Variants in CDH13 observed in about 807,000 individuals in gnomAD.
The protein encoded by CDH13 is cadherin-13.
Under a neutral mutation model 63.8 loss-of-function variants are expected in CDH13, and 24 were observed. The ratio of observed to expected loss-of-function variants is 0.38; its 90% CI spans 0.27 to 0.53. The LOEUF (loss-of-function observed/expected upper bound fraction) is 0.53, where lower values mean the gene tolerates loss of function less well. Among genes scored for constraint, CDH13 ranks in the 20% least tolerant of loss-of-function variants. The pLI is 0.85. For synonymous variants in CDH13, 503 were observed against 355.3 expected (o/e 1.42, Z -4.67); for missense variants, 1,049 against 903.1 (o/e 1.16, Z -2.07).
intron 7 of CDH13, among the ~76,000 whole-genome samples, chr16:83,535,478 G>T (rs1290053607): frequency 6.6e-6 from 1 of 152,204 alleles, no homozygotes; most frequent in African/African-American, 2.4e-5. Flanking sequence ...CCAAGGCAAA[G>T]GTTAGTGTGT....
intron 4 of CDH13, among the ~76,000 whole-genome samples, chr16:83,153,828 T>A (rs2037092177): frequency 6.6e-6 from 1 of 152,184 alleles, no homozygotes; most frequent in East Asian, 1.9e-4. Flanking sequence ...TTCGGTTTTT[T>A]GTGGTAGGCC....
intron 7 of CDH13, among the ~76,000 whole-genome samples, chr16:83,532,987 C>G (rs2075113359): frequency 6.6e-6 from 1 of 152,338 alleles, no homozygotes; most frequent in African/African-American, 2.4e-5. Context: ...GGTGACAGAG[C>G]TCTCTGTAGG....
At chr16:83,684,046 A>G (rs564315406) in intron 10 of CDH13, among the ~76,000 whole-genome samples, 116 of 152,146 alleles carry the variant, frequency 7.6e-4, no homozygotes, top group Non-Finnish European at 1.4e-3. Context: ...TAATGAGGAG[A>G]GGACTTATGT....
At chr16:83,517,837 C>G (rs954799646) in intron 7 of CDH13, among the ~76,000 whole-genome samples, 1 of 152,244 alleles carries the variant, frequency 6.6e-6, no homozygotes, top group South Asian at 2.1e-4. Context: ...ACACGTGGCA[C>G]TCTCACTAAA....
At chr16:82,718,218 C>G (rs566764074) in intron 1 of CDH13, among the ~76,000 whole-genome samples, 2 of 152,260 alleles carry the variant, frequency 1.3e-5, no homozygotes, top group African/African-American at 4.8e-5. Flanking sequence ...CAATGAAAAC[C>G]ACATCTCATA....
intron 1 of CDH13, among the ~76,000 whole-genome samples, chr16:82,763,782 A>C (rs2034944655): frequency 6.6e-6 from 1 of 152,232 alleles, no homozygotes; most frequent in African/African-American, 2.4e-5. Context: ...GCCCAGGCTC[A>C]GGTGATCCTC....
chr16:83,089,145 C>T (rs921827172), intron 3 of CDH13, among the ~76,000 whole-genome samples: 8 of 152,138 alleles, frequency 5.3e-5, no homozygotes, highest in African/African-American at 1.9e-4. Context: ...AATATTACAG[C>T]AGACTTTGAG....
intron 5 of CDH13, among the ~76,000 whole-genome samples, chr16:83,220,270 T>C (rs1380782445): frequency 6.6e-6 from 1 of 152,234 alleles, no homozygotes; most frequent in Non-Finnish European, 1.5e-5. Context: ...CGGTTCTTTA[T>C]TTTTAGATGA....
At chr16:83,431,564 C>T (rs2072110423) in intron 6 of CDH13, among the ~76,000 whole-genome samples, 1 of 152,106 alleles carries the variant, frequency 6.6e-6, no homozygotes, top group Non-Finnish European at 1.5e-5. Flanking sequence ...GGTCACAGTT[C>T]TGCAGGCTGT....
intron 2 of CDH13, among the ~76,000 whole-genome samples, chr16:82,898,272 C>T (rs562859982): frequency 3.3e-5 from 5 of 152,118 alleles, no homozygotes; most frequent in Non-Finnish European, 7.3e-5. Flanking sequence ...TTCCAGTAAT[C>T]TCAGCATTTT....
intron 1 of CDH13, among the ~76,000 whole-genome samples, chr16:82,667,969 T>C (rs1912800165): frequency 6.6e-6 from 1 of 152,092 alleles, no homozygotes; most frequent in Non-Finnish European, 1.5e-5. Context: ...TTAACACAGG[T>C]TCTCGTCTCT....
At position 83,372,704 on chromosome 16, in the gene CDH13, G is replaced by C. The variant is rs531996436; in HGVS notation, c.781+27698G>C. On this transcript the variant is annotated intron_variant, in intron 6 of 13. Transcript: ENST00000567109. ...GAGGCAGAGGTTGCAGTGAGCCGAG[G>C]TGGTGCCACTGCACTCCAGCCTGGT... is the stretch of plus-strand genomic sequence containing the variant. Among the ~76,000 whole-genome samples the C allele has an allele frequency of 1.7e-3, 249 of 149,676 alleles. 2 individuals carry two copies. Among genetic ancestry groups the C allele is most frequent in the African/African-American group, 5.3e-3 (216 of 40,612 alleles).
intron 4 of CDH13, among the ~76,000 whole-genome samples, chr16:83,166,812 T>C (rs1156230791): frequency 6.6e-6 from 1 of 152,176 alleles, no homozygotes; most frequent in Non-Finnish European, 1.5e-5. Context: ...GAATGAGGTG[T>C]TCTTAGCATT....
chr16:83,748,461 G>A (rs1052804670), intron 11 of CDH13, among the ~76,000 whole-genome samples: 1 of 152,164 alleles, frequency 6.6e-6, no homozygotes, highest in Non-Finnish European at 1.5e-5. Flanking sequence ...AGTGAATAAT[G>A]TCTGGTGAGA....
At chr16:83,135,935 A>G (rs2036260897) in intron 4 of CDH13, among the ~76,000 whole-genome samples, 1 of 152,178 alleles carries the variant, frequency 6.6e-6, no homozygotes, top group African/African-American at 2.4e-5. Context: ...AAAACCAAAC[A>G]TCATATGTCC....
At chr16:82,812,558 C>T (rs757368585) in intron 1 of CDH13, among the ~76,000 whole-genome samples, 4 of 151,974 alleles carry the variant, frequency 2.6e-5, no homozygotes, top group Non-Finnish European at 4.4e-5. Flanking sequence ...GAGTGAAACT[C>T]AAAGTCGCAA....
intron 7 of CDH13, among the ~76,000 whole-genome samples, chr16:83,511,131 C>G (rs2074552859): frequency 6.6e-6 from 1 of 151,736 alleles, no homozygotes; most frequent in African/African-American, 2.4e-5. Flanking sequence ...TGCACATGTG[C>G]ACACATGCAC....
chr16:82,691,868 A>G (rs1332770732), intron 1 of CDH13, among the ~76,000 whole-genome samples: 1 of 152,168 alleles, frequency 6.6e-6, no homozygotes, highest in Non-Finnish European at 1.5e-5. Flanking sequence ...CTTGCTGGAA[A>G]TGCAAACCCT....
At chr16:83,294,028 A>G (rs1186166898) in intron 5 of CDH13, among the ~76,000 whole-genome samples, 1 of 152,218 alleles carries the variant, frequency 6.6e-6, no homozygotes, top group African/African-American at 2.4e-5. Context: ...TAGCTAGGAC[A>G]TAGCATCAAG....
Sources: gnomAD v4.1 joint callset for allele counts (sites outside exome capture counted in the v4.1 genomes callset) on GRCh38, gnomAD v4.1.1 for gene constraint, MANE v1.5 for transcripts, NCBI Gene and HGNC (gene_info 2026-07-23, HGNC 2026-07-21) for gene names.